NFIL3: variants seen among roughly 807,000 people sequenced by gnomAD.
The protein encoded by NFIL3 is nuclear factor, interleukin 3 regulated.
In NFIL3, 5 loss-of-function variants were observed where a neutral mutation model predicts 10.0. The ratio of observed to expected loss-of-function variants is 0.50; its 90% CI spans 0.26 to 1.06. The LOEUF is 1.06. Ranked by LOEUF, NFIL3 falls within the 50% of genes least tolerant of loss-of-function variation. The pLI is 0.13. For missense variants in NFIL3, 436 were observed against 547.6 expected (o/e 0.80, Z 2.03); for synonymous variants, 202 against 206.5 (o/e 0.98, Z 0.19).
intron 1 of NFIL3, among the ~76,000 whole-genome samples, chr9:91,420,247 A>G (rs1833735113): frequency 6.6e-6 from 1 of 152,086 alleles, no homozygotes; most frequent in Non-Finnish European, 1.5e-5. Flanking sequence ...TATATATATT[A>G]TTAGAACAAA....
chr9:91,431,630 T>A, the NFIL3 span, among the ~76,000 whole-genome samples: 2 of 152,136 alleles, frequency 1.3e-5, no homozygotes, highest in Non-Finnish European at 2.9e-5. Flanking sequence ...CAAGTGGAAT[T>A]TGACTTGAAC....
chr9:91,420,817 G>A (rs946968005), intron 1 of NFIL3, among the ~76,000 whole-genome samples: 1 of 152,152 alleles, frequency 6.6e-6, no homozygotes, highest in Admixed American at 6.5e-5. Flanking sequence ...CAGTAGGACA[G>A]CAGCGTCTAT....
At chr9:91,472,173 T>G in the NFIL3 span, among the ~76,000 whole-genome samples, 1 of 152,186 alleles carries the variant, frequency 6.6e-6, no homozygotes, top group Non-Finnish European at 1.5e-5. Flanking sequence ...AATCTGACGA[T>G]TATGTGTCTT....
At chr9:91,480,016 A>C in the NFIL3 span, among the ~76,000 whole-genome samples, 2 of 151,888 alleles carry the variant, frequency 1.3e-5, no homozygotes, top group Non-Finnish European at 2.9e-5. Flanking sequence ...AGATGAGCCG[A>C]GTACCTCAGT....
intron 1 of NFIL3, 78 bp downstream of exon 1, chr9:91,423,562 C>CCGCGCCCG (rs1554727737): frequency 1.3e-5 from 2 of 148,868 alleles, no homozygotes; most frequent in African/African-American, 2.4e-5. Flanking sequence ...GGCCCGCACC[C>CCGCGCCCG]CGCGCCCGCC....
the NFIL3 span, among the ~76,000 whole-genome samples, chr9:91,451,167 A>G: frequency 3.3e-5 from 5 of 152,122 alleles, no homozygotes; most frequent in African/African-American, 1.2e-4. Context: ...CCTGATTCCA[A>G]ATATATTGAG....
At chr9:91,475,818 A>T in the NFIL3 span, among the ~76,000 whole-genome samples, 1 of 152,268 alleles carries the variant, frequency 6.6e-6, no homozygotes, top group Non-Finnish European at 1.5e-5. Flanking sequence ...TATAGATTAA[A>T]TGAATTTTCC....
At chr9:91,474,633 A>T in the NFIL3 span, among the ~76,000 whole-genome samples, 1 of 152,196 alleles carries the variant, frequency 6.6e-6, no homozygotes, top group African/African-American at 2.4e-5. Flanking sequence ...GTGCTGGGCT[A>T]GACTGGAAAT....
chr9:91,420,410 A>G (rs1833740905), intron 1 of NFIL3, among the ~76,000 whole-genome samples: 1 of 151,764 alleles, frequency 6.6e-6, no homozygotes, highest in African/African-American at 2.4e-5. Flanking sequence ...TTCCTGATCA[A>G]TAACACAGGA....
chr9:91,479,484 A>G, the NFIL3 span, among the ~76,000 whole-genome samples: 2 of 152,218 alleles, frequency 1.3e-5, no homozygotes, highest in African/African-American at 4.8e-5. Context: ...GTAATGGCAG[A>G]TGCCCCTCCC....
Position 91,409,278 on chromosome 9 carries a change from A to G in NFIL3, c.*68T>C, listed in dbSNP as rs1833489695. The G allele has an allele frequency of 7.0e-7, 1 of 1,433,614 alleles. No individual in the cohort carries two copies. Among genetic ancestry groups the G allele is most frequent in the South Asian group, 1.4e-5 (1 of 71,478 alleles). 88.8% of individuals were successfully genotyped at this position (1,433,614 alleles called of 1,614,324 possible). A position where few individuals can be genotyped will look rare whatever the true frequency, so the allele number is the denominator to read the frequency against. On this transcript the variant is annotated 3_prime_UTR_variant, in exon 2 of 2. Coordinates refer to ENST00000297689, the MANE Select transcript of NFIL3 (RefSeq NM_005384.3). ...CACAGGTCCAGTGAAAATTCAGCATAATACAAAATGGACTGCTCTATTGCA... is the reference window on the plus strand; with the variant it reads ...CACAGGTCCAGTGAAAATTCAGCATGATACAAAATGGACTGCTCTATTGCA...
At chr9:91,433,006 A>G in the NFIL3 span, among the ~76,000 whole-genome samples, 1 of 152,202 alleles carries the variant, frequency 6.6e-6, no homozygotes, top group Non-Finnish European at 1.5e-5. Flanking sequence ...TAAGTAGGAA[A>G]ATAAACAGGA....
At chr9:91,418,862 T>C (rs1206292255) in intron 1 of NFIL3, among the ~76,000 whole-genome samples, 1 of 151,844 alleles carries the variant, frequency 6.6e-6, no homozygotes, top group African/African-American at 2.4e-5. Flanking sequence ...GGTGTTTTTT[T>C]TTTTTTTAAC....
chr9:91,417,295 A>C (rs1024285149), intron 1 of NFIL3, among the ~76,000 whole-genome samples: 2 of 152,212 alleles, frequency 1.3e-5, no homozygotes, highest in Non-Finnish European at 2.9e-5. Context: ...AAAGGAAAAA[A>C]AAATGTCTTC....
chr9:91,456,127 G>C, the NFIL3 span, among the ~76,000 whole-genome samples: 3 of 152,176 alleles, frequency 2.0e-5, no homozygotes, highest in East Asian at 3.9e-4. Flanking sequence ...TTTTATTGTT[G>C]AATATTATTC....
the NFIL3 span, among the ~76,000 whole-genome samples, chr9:91,443,594 C>A: frequency 6.6e-6 from 1 of 152,254 alleles, no homozygotes; most frequent in African/African-American, 2.4e-5. Context: ...CTGAACAGGT[C>A]ACAACAGCCC....
At chr9:91,450,010 C>T in the NFIL3 span, among the ~76,000 whole-genome samples, 1 of 152,042 alleles carries the variant, frequency 6.6e-6, no homozygotes, top group East Asian at 1.9e-4. Flanking sequence ...ATACTATTCT[C>T]CTAAAATCCT....
rs138992924 is a variant in NFIL3, at chr9:91,409,910, C to T, written c.825G>A (p.Ser275=). Residue 275 remains serine (S), a synonymous_variant, in exon 2 of 2, where the codon TCG becomes TCA. Transcript: ENST00000297689. ...NRSSSNSPRT[S]ETDDGVVGKS... ...TTCCTACCACACCATCATCAGTTTC[C>T]GACGTTCTCGGGGAGTTGCTGGAGG... 7.4e-6 allele frequency: 12 copies of T among 1,613,790 alleles called. No individual in the cohort carries two copies. The highest frequency in any genetic ancestry group is 3.3e-5 in the Admixed American group (2 of 60,004).
chr9:91,460,625 G>C, the NFIL3 span, among the ~76,000 whole-genome samples: 1 of 152,072 alleles, frequency 6.6e-6, no homozygotes, highest in East Asian at 1.9e-4. Context: ...TTGTCCACCT[G>C]AAAGACAGGA....
Sources: gnomAD v4.1 joint callset for allele counts (sites outside exome capture counted in the v4.1 genomes callset) on GRCh38, gnomAD v4.1.1 for gene constraint, MANE v1.5 for transcripts, NCBI Gene and HGNC (gene_info 2026-07-23, HGNC 2026-07-21) for gene names.